MCM9: variants seen among roughly 807,000 people sequenced by gnomAD.
MCM9 encodes DNA helicase MCM9.
Under a neutral mutation model 72.8 loss-of-function variants are expected in MCM9, and 55 were observed. That is an observed-to-expected ratio of 0.76 (90% CI 0.61 to 0.95). MCM9 has a LOEUF of 0.95. Among genes scored for constraint, MCM9 ranks in the 40% least tolerant of loss-of-function variants. The probability of loss-of-function intolerance (pLI) is 0.00; values close to 1 mark genes in which losing one functional copy is unlikely to be tolerated. For synonymous variants in MCM9, 480 were observed against 503.4 expected, an observed-to-expected ratio of 0.95 and a Z score of 0.62; for missense variants, 1,279 against 1,377.0, an observed-to-expected ratio of 0.93 and a Z score of 1.13.
chr6:118,866,454 C>T (rs1373670941), intron 8 of MCM9, among the ~76,000 whole-genome samples: 2 of 151,714 alleles, frequency 1.3e-5, no homozygotes, highest in Non-Finnish European at 2.9e-5. Flanking sequence ...GTCAACAGAG[C>T]AATGCAAGAA....
At chr6:118,904,355 A>C (rs556575954) in intron 8 of MCM9, among the ~76,000 whole-genome samples, 2 of 152,336 alleles carry the variant, frequency 1.3e-5, no homozygotes, top group Admixed American at 1.3e-4. Context: ...AGTAAACAAC[A>C]GTCTTCAATT....
At chr6:118,884,268 C>A (rs1278731371) in intron 8 of MCM9, among the ~76,000 whole-genome samples, 2 of 151,960 alleles carry the variant, frequency 1.3e-5, no homozygotes, top group African/African-American at 4.8e-5. Context: ...GTAACATATA[C>A]AGATGAAATA....
Position 118,924,106 on chromosome 6 carries a change from A to G in MCM9, c.326T>C (p.Leu109Pro). Reference sequence around the variant, plus strand: ...GGTTTTAGGTATGTGTTCCCTCACCAGCTCAGGACAGACAGGCAAACCTGA... The same window carrying G: ...GGTTTTAGGTATGTGTTCCCTCACCGGCTCAGGACAGACAGGCAAACCTGA... ...RISGLPVCPE[L>P]VREHIPKTKD... is the part of the protein sequence containing the mutation. Residue 109 changes from leucine to proline, a missense_variant, in exon 4 of 14, where the codon CTG becomes CCG. Physicochemically the swap from Leu to Pro is moderately conservative, Grantham distance 98. Coordinates refer to ENST00000619706, the MANE Select transcript of MCM9 (RefSeq NM_017696.3). 6.2e-7 allele frequency: 1 copy of G among 1,613,968 alleles called. No homozygotes were observed. The highest frequency in any genetic ancestry group is 8.5e-7 in the Non-Finnish European group (1 of 1,179,904).
intron 9 of MCM9, among the ~76,000 whole-genome samples, chr6:118,852,689 T>C (rs983897685): frequency 6.6e-6 from 1 of 152,236 alleles, no homozygotes; most frequent in Non-Finnish European, 1.5e-5. Flanking sequence ...TTCATGTCTG[T>C]TGAATCTACA....
At chr6:118,909,089 A>C (rs1780360724) in intron 8 of MCM9, 1 of 152,268 alleles carries the variant, frequency 6.6e-6, no homozygotes, top group Non-Finnish European at 1.5e-5. Flanking sequence ...AACTATATAA[A>C]GAAAATCTCA....
intron 8 of MCM9, among the ~76,000 whole-genome samples, chr6:118,910,271 G>A (rs1780449064): frequency 1.3e-5 from 2 of 151,572 alleles, no homozygotes; most frequent in South Asian, 4.2e-4. Flanking sequence ...CCACTGAATT[G>A]ACTTTTATGA....
chr6:118,815,297 G>A lies in MCM9; in HGVS notation c.2959C>T (p.Gln987Ter). ...TGCGACACCTCCTTTGTCTCACCCT[G>A]TGGCTGACTGGAGATCTGGTTTCCT... ...TPGNQISSQP[Q>*]GETKEVSQQP... The change falls in exon 14 of 14, where the codon CAG becomes TAG. Residue 987 changes from glutamine (Q) to a stop codon, truncating the protein, a stop_gained. Transcript: ENST00000619706. LOFTEE classifies it low-confidence loss of function (END_TRUNC). 5 of 1,550,612 alleles carry A rather than the reference G, an allele frequency of 3.2e-6. No individual in the cohort carries two copies. The highest frequency in any genetic ancestry group is 4.4e-6 in the Non-Finnish European group (5 of 1,146,950).
intron 5 of MCM9, chr6:118,918,905 GA>G (rs954176094): frequency 1.3e-5 from 2 of 152,196 alleles, no homozygotes; most frequent in Admixed American, 6.5e-5. Flanking sequence ...CCAATCCACA[GA>G]ATAGAAGGCA....
chr6:118,821,492 G>A lies in MCM9; in HGVS notation c.1961+4655C>T, dbSNP rs142193280. On this transcript the variant is annotated intron_variant, in intron 13 of 13. Coordinates refer to ENST00000619706, the MANE Select transcript of MCM9 (RefSeq NM_017696.3). ...GTAGGGTTTCTGCCGAGAGATCTGC[G>A]GTTAGTCTGATGGGCTTCCCTTTGT... Among the ~76,000 whole-genome samples the A allele has an allele frequency of 2.3e-3, 357 of 152,192 alleles. 1 individual carries two copies. Among genetic ancestry groups the A allele is most frequent in the South Asian group, 0.01 (50 of 4,812 alleles).
chr6:118,850,893 T>C (rs1776174442), intron 9 of MCM9, among the ~76,000 whole-genome samples: 2 of 151,870 alleles, frequency 1.3e-5, no homozygotes, highest in South Asian at 2.1e-4. Flanking sequence ...GGCGTGATCA[T>C]AGCTCATTGC....
At chr6:118,831,483 G>A (rs1454741559) in intron 9 of MCM9, among the ~76,000 whole-genome samples, 1 of 152,076 alleles carries the variant, frequency 6.6e-6, no homozygotes, top group Non-Finnish European at 1.5e-5. Flanking sequence ...GAGATTATGA[G>A]AGATAAGTCA....
Position 118,913,428 on chromosome 6 carries a change from A to G in MCM9, c.905-8T>C. On this transcript the variant is annotated splice_polypyrimidine_tract_variant and splice_region_variant and intron_variant, in intron 6 of 13. Transcript: ENST00000619706. ...CCAATATTACATTCCTTCCTAGGAA[A>G]AGCAGAAAGATCAGAAATCAGCAAT... 1 of 1,612,154 alleles carries G rather than the reference A, an allele frequency of 6.2e-7. No individual in the cohort carries two copies. The highest frequency in any genetic ancestry group is 8.5e-7 in the Non-Finnish European group (1 of 1,179,434).
In MCM9 at chr6:118,821,100, A is replaced by G. The variant is rs1224679146; in HGVS notation, c.1962-4806T>C. ...CCAATTTGCCAGTCTGTGTCTTTTA[A>G]TTGGAGCATTTAGCCCATTTACATT... is the stretch of plus-strand genomic sequence containing the variant. On this transcript the variant is annotated intron_variant, in intron 13 of 13. Coordinates refer to ENST00000619706, the MANE Select transcript of MCM9 (RefSeq NM_017696.3). Among the ~76,000 whole-genome samples the G allele has an allele frequency of 2.0e-5, 3 of 152,248 alleles. No homozygotes were observed. In the East Asian group the frequency reaches 5.8e-4, roughly 29 times the overall value.
At chr6:118,879,920 T>C (rs1374777341) in intron 8 of MCM9, among the ~76,000 whole-genome samples, 1 of 151,840 alleles carries the variant, frequency 6.6e-6, no homozygotes, top group Non-Finnish European at 1.5e-5. Context: ...GGTGGGTCCC[T>C]GTAATCCCAG....
At chr6:118,874,566 T>G (rs892597180) in intron 8 of MCM9, among the ~76,000 whole-genome samples, 1 of 152,150 alleles carries the variant, frequency 6.6e-6, no homozygotes, top group Non-Finnish European at 1.5e-5. Context: ...TTTTCAACTT[T>G]GTACTCCAAG....
intron 13 of MCM9, among the ~76,000 whole-genome samples, chr6:118,818,007 C>T (rs1333342632): frequency 6.6e-6 from 1 of 151,288 alleles, no homozygotes; most frequent in African/African-American, 2.4e-5. Flanking sequence ...TTTTTAAGTT[C>T]CTTGTAGATT....
chr6:118,817,527 C>G (rs1370903157), intron 13 of MCM9, among the ~76,000 whole-genome samples: 2 of 152,122 alleles, frequency 1.3e-5, no homozygotes, highest in Non-Finnish European at 2.9e-5. Flanking sequence ...TTTTCTTTAT[C>G]CAGTGTATCA....
intron 13 of MCM9, among the ~76,000 whole-genome samples, chr6:118,823,874 T>G (rs1026656262): frequency 1.3e-5 from 2 of 151,796 alleles, no homozygotes; most frequent in Non-Finnish European, 2.9e-5. Context: ...CTACATGTGA[T>G]TTTTTTGTTT....
chr6:118,878,665 T>C (rs1778090453), intron 8 of MCM9, among the ~76,000 whole-genome samples: 1 of 152,098 alleles, frequency 6.6e-6, no homozygotes, highest in African/African-American at 2.4e-5. Context: ...ATTAAAAAGT[T>C]GGTAATAACC....
Sources: allele counts gnomAD v4.1 joint callset (sites outside exome capture counted in the v4.1 genomes callset), GRCh38; gene constraint gnomAD v4.1.1; transcripts MANE v1.5; gene names NCBI Gene and HGNC (gene_info 2026-07-23, HGNC 2026-07-21).